Variants in SPMIP2 observed in about 807,000 individuals in gnomAD.
The protein encoded by SPMIP2 is protein SPMIP2.
chr4:158,936,406 T>G, the SPMIP2 span, among the ~76,000 whole-genome samples: 1 of 152,260 alleles, frequency 6.6e-6, no homozygotes, highest in Non-Finnish European at 1.5e-5. Flanking sequence ...TGTGTATTCA[T>G]GTATTTCAAA....
At chr4:158,984,585 G>A in the SPMIP2 span, among the ~76,000 whole-genome samples, 1 of 151,692 alleles carries the variant, frequency 6.6e-6, no homozygotes, top group East Asian at 1.9e-4. Flanking sequence ...TGAAACCAAC[G>A]AGAACAAAGA....
the SPMIP2 span, among the ~76,000 whole-genome samples, chr4:158,914,718 A>T: frequency 6.6e-6 from 1 of 152,248 alleles, no homozygotes; most frequent in Non-Finnish European, 1.5e-5. Flanking sequence ...CATTTTACTT[A>T]TAAAAACCCA....
the SPMIP2 span, among the ~76,000 whole-genome samples, chr4:159,057,276 A>C: frequency 2.6e-5 from 4 of 152,234 alleles, no homozygotes; most frequent in Non-Finnish European, 5.9e-5. Flanking sequence ...TCATTTCGTG[A>C]CTGCCCTTTT....
the SPMIP2 span, among the ~76,000 whole-genome samples, chr4:158,984,926 C>T: frequency 2.0e-5 from 3 of 151,658 alleles, no homozygotes; most frequent in Non-Finnish European, 2.9e-5. Flanking sequence ...ATCAAATAGA[C>T]GCAATAAAAA....
chr4:158,957,465 C>T, the SPMIP2 span, among the ~76,000 whole-genome samples: 3 of 151,208 alleles, frequency 2.0e-5, no homozygotes, highest in South Asian at 2.1e-4. Context: ...GTTTCTCTGT[C>T]GCCCAGGCTG....
the SPMIP2 span, among the ~76,000 whole-genome samples, chr4:158,985,464 C>T: frequency 6.6e-6 from 1 of 151,972 alleles, no homozygotes; most frequent in South Asian, 2.1e-4. Flanking sequence ...CCCTGGGATG[C>T]AAGGCTGGTT....
At chr4:158,960,162 A>G in the SPMIP2 span, 1 of 626,982 alleles carries the variant, frequency 1.6e-6, no homozygotes, top group Non-Finnish European at 2.7e-6. Flanking sequence ...TCGTAAATTT[A>G]TCAAAAACCT....
chr4:159,015,971 G>A, the SPMIP2 span, among the ~76,000 whole-genome samples: 2 of 152,200 alleles, frequency 1.3e-5, no homozygotes, highest in African/African-American at 4.8e-5. Flanking sequence ...AAAGCTGGGT[G>A]ATGCCGCCTT....
At chr4:159,014,344 T>C in the SPMIP2 span, among the ~76,000 whole-genome samples, 1 of 151,948 alleles carries the variant, frequency 6.6e-6, no homozygotes, top group Non-Finnish European at 1.5e-5. Flanking sequence ...TCTCAGCTAC[T>C]CAGGAGGCTG....
the SPMIP2 span, among the ~76,000 whole-genome samples, chr4:158,997,680 T>C: frequency 6.6e-6 from 1 of 152,262 alleles, no homozygotes; most frequent in Admixed American, 6.5e-5. Flanking sequence ...AGAGACAGGG[T>C]CTCACTCTGT....
At chr4:158,989,065 T>C in the SPMIP2 span, among the ~76,000 whole-genome samples, 1 of 152,008 alleles carries the variant, frequency 6.6e-6, no homozygotes, top group East Asian at 1.9e-4. Context: ...TGGGCAAAAA[T>C]CACAAGCATT....
chr4:158,966,527 C>T, the SPMIP2 span, among the ~76,000 whole-genome samples: 988 of 152,314 alleles, frequency 6.5e-3, 16 homozygotes, highest in South Asian at 0.015. Context: ...CTTTTACTAG[C>T]ACCTACCTAT....
chr4:158,898,659 G>A, the SPMIP2 span, among the ~76,000 whole-genome samples: 16 of 152,278 alleles, frequency 1.1e-4, no homozygotes, highest in African/African-American at 2.2e-4. Flanking sequence ...GTATAGGAAC[G>A]CATGTGATTT....
the SPMIP2 span, among the ~76,000 whole-genome samples, chr4:158,989,318 T>G: frequency 6.6e-6 from 1 of 152,158 alleles, no homozygotes; most frequent in Non-Finnish European, 1.5e-5. Context: ...CCAAAGTAAT[T>G]TATACATTCA....
the SPMIP2 span, among the ~76,000 whole-genome samples, chr4:158,945,808 G>A: frequency 2.6e-5 from 4 of 152,154 alleles, no homozygotes; most frequent in Admixed American, 6.5e-5. Flanking sequence ...CCAGGAAGAT[G>A]GACATAAGAC....
chr4:158,975,212 G>T, the SPMIP2 span, among the ~76,000 whole-genome samples: 4 of 152,040 alleles, frequency 2.6e-5, no homozygotes, highest in African/African-American at 9.7e-5. Context: ...CTTTCAGATG[G>T]ATAGATTGCA....
the SPMIP2 span, chr4:158,904,365 C>T: frequency 9.5e-7 from 1 of 1,048,164 alleles, no homozygotes; most frequent in Non-Finnish European, 1.4e-6. Flanking sequence ...ATCTATCAAA[C>T]TTAGTACCTA....
At chr4:158,917,419 GA>G in the SPMIP2 span, among the ~76,000 whole-genome samples, 61 of 147,082 alleles carry the variant, frequency 4.1e-4, no homozygotes, top group Admixed American at 1.0e-3. Context: ...AGAGCAGGGG[GA>G]AAAAAAAAAG....
chr4:158,923,921 C>T, the SPMIP2 span, among the ~76,000 whole-genome samples: 1 of 151,956 alleles, frequency 6.6e-6, no homozygotes, highest in African/African-American at 2.4e-5. Context: ...GTTCTAACCC[C>T]CAAGGTGATC....
Sources: allele counts gnomAD v4.1 joint callset (sites outside exome capture counted in the v4.1 genomes callset), GRCh38; gene constraint gnomAD v4.1.1; transcripts MANE v1.5; gene names NCBI Gene and HGNC (gene_info 2026-07-23, HGNC 2026-07-21).